The following SLC35F1 variants were observed in gnomAD, a reference collection of about 807,000 sequenced individuals.
The protein encoded by SLC35F1 is solute carrier family 35 member F1, also known as chromosome 6 open reading frame 169.
In SLC35F1, 14 loss-of-function variants were observed where a neutral mutation model predicts 48.7. That is an observed-to-expected ratio of 0.29 (90% CI 0.19 to 0.45). The LOEUF (loss-of-function observed/expected upper bound fraction) is 0.45. Among genes scored for constraint, SLC35F1 ranks in the 20% least tolerant of loss-of-function variants. The pLI is 1.00. For synonymous variants in SLC35F1, 190 were observed against 202.2 expected, an observed-to-expected ratio of 0.94 and a Z score of 0.51; for missense variants, 404 against 500.0, an observed-to-expected ratio of 0.81 and a Z score of 1.83.
At chr6:118,297,385 T>C (rs917741352) in intron 7 of SLC35F1, among the ~76,000 whole-genome samples, 1 of 152,066 alleles carries the variant, frequency 6.6e-6, no homozygotes, top group African/African-American at 2.4e-5. Context: ...TATGTATGGT[T>C]GTACAGGCTG....
intron 2 of SLC35F1, among the ~76,000 whole-genome samples, chr6:118,177,581 C>A (rs1774508942): frequency 6.6e-6 from 1 of 152,016 alleles, no homozygotes; most frequent in African/African-American, 2.4e-5. Context: ...GGGGACTGAT[C>A]TCTGTTCTAG....
chr6:118,044,937 A>G (rs1030031843), intron 1 of SLC35F1, among the ~76,000 whole-genome samples: 21 of 152,304 alleles, frequency 1.4e-4, no homozygotes, highest in Non-Finnish European at 2.5e-4. Context: ...AGGAGAAAGG[A>G]AGTTTGGGAA....
intron 1 of SLC35F1, among the ~76,000 whole-genome samples, chr6:117,987,203 T>C (rs1343240425): frequency 1.3e-5 from 2 of 152,216 alleles, no homozygotes; most frequent in Non-Finnish European, 2.9e-5. Flanking sequence ...TCTTTGTGCA[T>C]GGGTCAGTTC....
At chr6:118,004,623 C>T (rs1405195536) in intron 1 of SLC35F1, among the ~76,000 whole-genome samples, 1 of 152,082 alleles carries the variant, frequency 6.6e-6, no homozygotes, top group African/African-American at 2.4e-5. Context: ...ATGCAGCAGC[C>T]TGATCATAGC....
At chr6:118,285,649 A>C (rs187628345) in intron 7 of SLC35F1, among the ~76,000 whole-genome samples, 1 of 152,312 alleles carries the variant, frequency 6.6e-6, no homozygotes, top group East Asian at 1.9e-4. Flanking sequence ...TCCAATACGA[A>C]CCTAGGAAGA....
chr6:117,988,793 G>A (rs1776880619), intron 1 of SLC35F1, among the ~76,000 whole-genome samples: 4 of 152,146 alleles, frequency 2.6e-5, no homozygotes, highest in Non-Finnish European at 5.9e-5. Flanking sequence ...CAAATGGGGA[G>A]TTAGTGTTTA....
In SLC35F1 at chr6:118,070,242, G is replaced by A. The variant is rs572698377; in HGVS notation, c.174-84203G>A. Reference sequence around the variant, plus strand: ...GCTAAGAGAATCTAAGAGTAAAAAAGCAAACTGCTTCTCTCTTTTACCTTC... The same window carrying A: ...GCTAAGAGAATCTAAGAGTAAAAAAACAAACTGCTTCTCTCTTTTACCTTC... On this transcript the variant is annotated intron_variant, in intron 1 of 7. Coordinates refer to ENST00000360388, the MANE Select transcript of SLC35F1 (RefSeq NM_001029858.4). 1.4e-4 allele frequency among the ~76,000 whole-genome samples: 21 copies of A among 149,810 alleles called. No individual in the cohort carries two copies. The East Asian group carries it at 3.8e-3, about 27-fold the overall frequency.
chr6:118,071,110 TATATATAC>T lies in SLC35F1; in HGVS notation c.174-83311_174-83304del, dbSNP rs1301014282. Among the ~76,000 whole-genome samples the T allele has an allele frequency of 9.3e-4, 41 of 44,232 alleles. 1 individual carries two copies. The East Asian group carries it at 0.022, about 24-fold the overall frequency. 29.0% of individuals were successfully genotyped at this position (44,232 alleles called of 152,430 possible). On this transcript the variant is annotated intron_variant, in intron 1 of 7. Coordinates refer to ENST00000360388, the MANE Select transcript of SLC35F1 (RefSeq NM_001029858.4). ...ATACACATAGTATATATAGTATGTA[TATATATAC>T]ATATATACATATATACATATATATA...
chr6:118,310,273 C>T (rs1776357750), intron 7 of SLC35F1, among the ~76,000 whole-genome samples: 1 of 152,124 alleles, frequency 6.6e-6, no homozygotes, highest in Non-Finnish European at 1.5e-5. Flanking sequence ...AGCTTTCAGT[C>T]CTCATATAGC....
intron 1 of SLC35F1, among the ~76,000 whole-genome samples, chr6:118,136,316 C>G (rs1773794240): frequency 6.6e-6 from 1 of 152,202 alleles, no homozygotes; most frequent in Admixed American, 6.5e-5. Context: ...GACCTCTCAT[C>G]TTTGAAGAGA....
intron 7 of SLC35F1, 104 bp from the exon 8 acceptor site, chr6:118,313,924 C>T: frequency 9.7e-7 from 1 of 1,029,028 alleles, no homozygotes; most frequent in Non-Finnish European, 1.5e-6. Context: ...ATCATGCTGC[C>T]TGTTCTGAGA....
Position 117,924,478 on chromosome 6 carries a change from GTATATA to G in SLC35F1, c.173+16580_173+16585del, listed in dbSNP as rs1775997209. ...TATATGTGTGTACATATATACATATGTATATACGTATATACATATGTATATACGTAT... is the reference window on the plus strand; with the variant it reads ...TATATGTGTGTACATATATACATATGCGTATATACATATGTATATACGTAT... On this transcript the variant is annotated intron_variant, in intron 1 of 7. Transcript: ENST00000360388. 1.0e-3 allele frequency among the ~76,000 whole-genome samples: 18 copies of G among 17,602 alleles called. 1 individual carries two copies. The East Asian group carries it at 0.027, about 27-fold the overall frequency. 11.5% of individuals were successfully genotyped at this position (17,602 alleles called of 152,430 possible).
chr6:118,301,931 A>ATTAATAAATGTGCTTAAT (rs1776258463), intron 7 of SLC35F1, among the ~76,000 whole-genome samples: 1 of 152,220 alleles, frequency 6.6e-6, no homozygotes, highest in South Asian at 2.1e-4. Flanking sequence ...TTTCCTCAAC[A>ATTAATAAATGTGCTTAAT]AAGTGTGTCA....
chr6:118,287,826 C>T (rs1250704759), intron 7 of SLC35F1, among the ~76,000 whole-genome samples: 1 of 152,184 alleles, frequency 6.6e-6, no homozygotes, highest in Non-Finnish European at 1.5e-5. Flanking sequence ...GGCAATCTAT[C>T]CTCTCCTCCT....
intron 1 of SLC35F1, among the ~76,000 whole-genome samples, chr6:118,062,420 G>A (rs1402899438): frequency 6.6e-6 from 1 of 152,042 alleles, no homozygotes; most frequent in African/African-American, 2.4e-5. Flanking sequence ...GGGTACATGA[G>A]GTATTTTGAT....
intron 2 of SLC35F1, among the ~76,000 whole-genome samples, chr6:118,196,523 C>G (rs1562322022): frequency 6.6e-6 from 1 of 151,980 alleles, no homozygotes; most frequent in Non-Finnish European, 1.5e-5. Context: ...CGAGACTAGC[C>G]TGGCCAACGT....
intron 1 of SLC35F1, among the ~76,000 whole-genome samples, chr6:117,979,754 G>A (rs1776751377): frequency 6.6e-6 from 1 of 152,156 alleles, no homozygotes; most frequent in Admixed American, 6.5e-5. Flanking sequence ...AGAAAATCCA[G>A]TTCTGCTTCC....
At chr6:118,033,931 T>C (rs1375081167) in intron 1 of SLC35F1, among the ~76,000 whole-genome samples, 1 of 152,178 alleles carries the variant, frequency 6.6e-6, no homozygotes. Flanking sequence ...GTGACTGAAA[T>C]ATAATAGGAC....
intron 2 of SLC35F1, among the ~76,000 whole-genome samples, chr6:118,193,646 A>G (rs1303462994): frequency 6.6e-6 from 1 of 152,158 alleles, no homozygotes; most frequent in Non-Finnish European, 1.5e-5. Flanking sequence ...GATAATGGTA[A>G]CTCTTAGCAA....
Sources: gnomAD v4.1 joint callset for allele counts (sites outside exome capture counted in the v4.1 genomes callset) on GRCh38, gnomAD v4.1.1 for gene constraint, MANE v1.5 for transcripts, NCBI Gene and HGNC (gene_info 2026-07-23, HGNC 2026-07-21) for gene names.